ARFGAP3: variants seen among roughly 807,000 people sequenced by gnomAD.
ARFGAP3 encodes ARF GTPase activating protein 3.
ARFGAP3 carries 72 observed loss-of-function variants against 75.0 expected under a neutral mutation model. The observed-to-expected ratio is 0.96, with a 90% confidence interval of 0.79 to 1.17. ARFGAP3 has a LOEUF of 1.17. Among genes scored for constraint, ARFGAP3 ranks in the 50% most tolerant of loss-of-function variants. The pLI, the probability that ARFGAP3 is intolerant of heterozygous loss-of-function variation, is 0.00. For missense variants in ARFGAP3, 620 were observed against 626.6 expected (o/e 0.99, Z 0.11); for synonymous variants, 221 against 217.9 (o/e 1.01, Z -0.13).
intron 4 of ARFGAP3, 118 bp downstream of exon 4, chr22:42,835,244 A>T: frequency 1.7e-6 from 2 of 1,162,266 alleles, no homozygotes; most frequent in Non-Finnish European, 2.4e-6. Context: ...AATCTACTGT[A>T]CACTAATTCC....
At chr22:42,817,301 C>G in intron 10 of ARFGAP3, 37 bp from the exon 11 acceptor site, 1 of 1,548,742 alleles carries the variant, frequency 6.5e-7, no homozygotes, top group South Asian at 1.2e-5. Flanking sequence ...TCAGTAAGTT[C>G]ACAAACTTTT....
rs759861624 is a variant in ARFGAP3 at position 42,807,132 on chromosome 22, G to A, written c.1352C>T (p.Ser451Leu). 3.1e-6 allele frequency: 5 copies of A among 1,612,602 alleles called. No individual in the cohort carries two copies. The highest frequency in any genetic ancestry group is 1.6e-4 in the Middle Eastern group (1 of 6,084). Residue 451 changes from serine (S) to leucine (L), a missense_variant, in exon 14 of 16, where the codon TCG becomes TTG. Transcript: ENST00000263245. Reference protein sequence around the residue: ...YETRARLERLSASSSISSADL... With the variant: ...YETRARLERLLASSSISSADL... ...AGCCGAGCTTATGGAGGAACTTGCC[G>A]ACAGCCTCTCTAGGCGGGCCCTGGT...
rs553116261 is a variant in ARFGAP3, at chr22:42,799,267, C to A, written c.1412-107G>T. 3.3e-6 allele frequency: 5 copies of A among 1,533,012 alleles called. No homozygotes were observed. In the East Asian group the frequency reaches 1.1e-4, roughly 35 times the overall value. 95.0% of individuals were successfully genotyped at this position (1,533,012 alleles called of 1,614,324 possible). A position where few individuals can be genotyped will look rare whatever the true frequency, so the allele number is the denominator to read the frequency against. On this transcript the variant is annotated intron_variant, in intron 14 of 15. Coordinates refer to ENST00000263245, the MANE Select transcript of ARFGAP3 (RefSeq NM_014570.5). ...TCCAGAGAACCCGGATCTCTCCCCT[C>A]CTGCTGCCTCACAAGGGGCCCAACA...
chr22:42,849,785 G>A (rs8141520), intron 1 of ARFGAP3, among the ~76,000 whole-genome samples: 4,349 of 151,744 alleles, frequency 0.029, 82 homozygotes, highest in African/African-American at 0.04. Flanking sequence ...GGTCTTGAAC[G>A]CCTGGGCTCA....
chr22:42,828,480 C>T (rs922447504), intron 6 of ARFGAP3, among the ~76,000 whole-genome samples: 2 of 151,694 alleles, frequency 1.3e-5, no homozygotes, highest in East Asian at 2.0e-4. Flanking sequence ...CGCTTGAACC[C>T]GGGATGCAGA....
rs548846264 is a variant in ARFGAP3, at chr22:42,840,835, GGCTGAGATTACAGGCATGAGCCACT to G, written c.261+84_261+108del. 8.6e-3 allele frequency: 10,141 copies of G among 1,173,612 alleles called. 49 individuals carry two copies. Among genetic ancestry groups the G allele is most frequent in the Non-Finnish European group, 9.8e-3 (8,132 of 831,826 alleles). The allele number at this position is 1,173,612 out of a possible 1,614,324, so 72.7% of individuals were successfully genotyped here. ...CGCCTGTAATTTCAGCCTCCCAAAT[GGCTGAGATTACAGGCATGAGCCACT>G]GCACCTAGCCTGAGCTTCTTTACTA... On this transcript the variant is annotated intron_variant, in intron 3 of 15. Transcript: ENST00000263245.
chr22:42,804,583 T>C (rs946602104), intron 14 of ARFGAP3, among the ~76,000 whole-genome samples: 9 of 152,120 alleles, frequency 5.9e-5, no homozygotes, highest in Admixed American at 2.6e-4. Context: ...GGCTTCACCA[T>C]GTTGGCCAGG....
intron 14 of ARFGAP3, among the ~76,000 whole-genome samples, chr22:42,804,459 G>A (rs1925028674): frequency 7.1e-6 from 1 of 141,540 alleles, no homozygotes; most frequent in African/African-American, 2.7e-5. Flanking sequence ...TCGGCACACT[G>A]CAACTCCCAC....
Position 42,857,115 on chromosome 22 carries a change from T to A in ARFGAP3, c.68A>T (p.Lys23Met). The A allele has an allele frequency of 6.6e-7, 1 of 1,511,314 alleles. No individual in the cohort carries two copies. The highest frequency in any genetic ancestry group is 8.9e-7 in the Non-Finnish European group (1 of 1,128,296). The allele number at this position is 1,511,314 out of a possible 1,614,324, so 93.6% of individuals were successfully genotyped here. A position where few individuals can be genotyped will look rare whatever the true frequency, so the allele number is the denominator to read the frequency against. The change falls in exon 1 of 16, where the codon AAG (lysine) becomes ATG (methionine). Residue 23 changes from lysine (K) to methionine (M), a missense_variant and splice_region_variant. Physicochemically the swap from Lys to Met is moderately conservative, Grantham distance 95. Coordinates refer to ENST00000263245, the MANE Select transcript of ARFGAP3 (RefSeq NM_014570.5). ...FKRLRSVPTN[K>M]VCFDCGAKNP... is the part of the protein sequence containing the mutation. ...CCCGCACTCGCCCGCGGCCGCTACC[T>A]TGTTAGTGGGCACCGAGCGGAGGCG...
chr22:42,842,049 G>A (rs4820487), intron 2 of ARFGAP3, among the ~76,000 whole-genome samples: 53,776 of 138,106 alleles, frequency 0.39, 10,971 homozygotes, highest in Middle Eastern at 0.46. Flanking sequence ...GAGTTGCCCC[G>A]GCTGGAGTGC....
chr22:42,817,788 A>G lies in ARFGAP3; in HGVS notation c.882T>C (p.Ile294=). The change falls in exon 10 of 16, where the codon ATT becomes ATC. Residue 294 remains isoleucine, a synonymous_variant. Transcript: ENST00000263245. ...CTGAGTCAACATTTTTTTTGCCACT[A>G]ATGTTCATCTTTTCGTCTTTCTTCA... is the stretch of plus-strand genomic sequence containing the variant. ...IQMKKDEKMN[I]SGKKNVDSDR... is the part of the protein sequence containing the mutation. The G allele has an allele frequency of 6.2e-7, 1 of 1,613,522 alleles. No homozygotes were observed. Among genetic ancestry groups the G allele is most frequent in the Non-Finnish European group, 8.5e-7 (1 of 1,179,796 alleles).
At chr22:42,799,330 A>G (rs1602085744) in intron 14 of ARFGAP3, 170 bp from the exon 15 acceptor site, 8 of 753,066 alleles carry the variant, frequency 1.1e-5, no homozygotes, top group South Asian at 1.2e-4. Context: ...CAGCCCTGCC[A>G]TGATCCACAT....
At chr22:42,846,899 G>A (rs564674368) in intron 2 of ARFGAP3, among the ~76,000 whole-genome samples, 2 of 152,314 alleles carry the variant, frequency 1.3e-5, no homozygotes, top group African/African-American at 2.4e-5. Flanking sequence ...AAGAAAAGAA[G>A]TTGATTTCTT....
chr22:42,857,141 C>A lies in ARFGAP3; in HGVS notation c.42G>T (p.Lys14Asn). 1 of 1,516,326 alleles carries A rather than the reference C, an allele frequency of 6.6e-7. No homozygotes were observed. Among genetic ancestry groups the A allele is most frequent in the Non-Finnish European group, 8.8e-7 (1 of 1,130,372 alleles). The allele number at this position is 1,516,326 out of a possible 1,614,324, so 93.9% of individuals were successfully genotyped here. ...PSKQDILTIF[K>N]RLRSVPTNKV... ...TGTTAGTGGGCACCGAGCGGAGGCG[C>A]TTGAAGATGGTCAAGATGTCCTGCT... The change falls in exon 1 of 16, where the codon AAG (lysine) becomes AAT (asparagine). Residue 14 changes from lysine to asparagine, a missense_variant. Transcript: ENST00000263245.
intron 10 of ARFGAP3, 110 bp from the exon 11 acceptor site, chr22:42,817,374 G>T: frequency 7.1e-7 from 1 of 1,406,828 alleles, no homozygotes; most frequent in Non-Finnish European, 9.3e-7. Flanking sequence ...TATTCGAGGG[G>T]TTAAAAACAT....
chr22:42,808,824 A>C lies in ARFGAP3; in HGVS notation c.1263T>G (p.Phe421Leu), dbSNP rs747767949. 2.5e-6 allele frequency: 4 copies of C among 1,613,876 alleles called. No individual in the cohort carries two copies. Among genetic ancestry groups the C allele is most frequent in the East Asian group, 2.2e-5 (1 of 44,874 alleles). Residue 421 changes from phenylalanine (F) to leucine (L), a missense_variant, in exon 13 of 16, where the codon TTT becomes TTG. Coordinates refer to ENST00000263245, the MANE Select transcript of ARFGAP3 (RefSeq NM_014570.5). ...VENTDEAQKK[F>L]GNVKAISSDM... is the part of the protein sequence containing the mutation. ...CTGATGAAATGGCCTTGACATTGCC[A>C]AACTTCTTCTGGGCCTCATCTGTAT... is the stretch of plus-strand genomic sequence containing the variant.
chr22:42,857,034 AC>A, intron 1 of ARFGAP3, 79 bp downstream of exon 1: 1 of 1,389,918 alleles, frequency 7.2e-7, no homozygotes, highest in Non-Finnish European at 9.5e-7. Flanking sequence ...CTCCCAAGCC[AC>A]GGGCACTGGC....
chr22:42,828,679 G>GC (rs1031306680), intron 6 of ARFGAP3, among the ~76,000 whole-genome samples: 2 of 137,520 alleles, frequency 1.5e-5, no homozygotes, highest in Non-Finnish European at 3.2e-5. Context: ...AAAGCCCCCG[G>GC]CCTTTTTTTT....
chr22:42,812,130 T>A (rs1446542037), intron 11 of ARFGAP3, among the ~76,000 whole-genome samples: 1 of 142,808 alleles, frequency 7.0e-6, no homozygotes, highest in Non-Finnish European at 1.5e-5. Context: ...CCCAGCTACT[T>A]GGGAGGCTCA....
Sources: gnomAD v4.1 joint callset for allele counts (sites outside exome capture counted in the v4.1 genomes callset) on GRCh38, gnomAD v4.1.1 for gene constraint, MANE v1.5 for transcripts, NCBI Gene and HGNC (gene_info 2026-07-23, HGNC 2026-07-21) for gene names.